The following SPTBN4 variants were observed in gnomAD, a reference collection of about 807,000 sequenced individuals.
The protein encoded by SPTBN4 is spectrin beta, non-erythrocytic 4.
In SPTBN4, 96 loss-of-function variants were observed where a neutral mutation model predicts 277.8. The ratio of observed to expected loss-of-function variants is 0.35; its 90% CI spans 0.29 to 0.41. The LOEUF is 0.41. Among genes scored for constraint, SPTBN4 ranks in the 10% least tolerant of loss-of-function variants. SPTBN4 has a pLI of 1.00. For synonymous variants in SPTBN4, 1,481 were observed against 1,580.3 expected, an observed-to-expected ratio of 0.94 and a Z score of 1.49; for missense variants, 3,006 against 3,595.7, an observed-to-expected ratio of 0.84 and a Z score of 4.19.
intron 17 of SPTBN4, among the ~76,000 whole-genome samples, chr19:40,527,237 C>T (rs2080603350): frequency 6.6e-6 from 1 of 152,296 alleles, no homozygotes; most frequent in South Asian, 2.1e-4. Flanking sequence ...CTCTCTAACC[C>T]TGTCTTTTCT....
At chr19:40,526,987 T>C (rs556080466) in intron 17 of SPTBN4, among the ~76,000 whole-genome samples, 5 of 152,202 alleles carry the variant, frequency 3.3e-5, no homozygotes, top group Non-Finnish European at 7.3e-5. Context: ...GAAAGATTGA[T>C]TTCAGCTCAA....
intron 2 of SPTBN4, among the ~76,000 whole-genome samples, chr19:40,484,269 G>A (rs73048177): frequency 0.055 from 8,376 of 152,146 alleles, 302 homozygotes; most frequent in Middle Eastern, 0.1. Context: ...GGAAATTATT[G>A]AGAGATTTCA....
rs1350925526 is a variant in SPTBN4, at chr19:40,532,785, TG to T, written c.4095+16del. On this transcript the variant is annotated intron_variant, in intron 19 of 35. Transcript: ENST00000598249. Reference sequence around the variant, plus strand: ...AAGATCGAGCGGGTGAGGAAGCTGATGGCCCCTCTGCCTGTGCCAGGTGCAG... The same window carrying T: ...AAGATCGAGCGGGTGAGGAAGCTGATGCCCCTCTGCCTGTGCCAGGTGCAG... 8.1e-6 allele frequency: 13 copies of T among 1,603,742 alleles called. No individual in the cohort carries two copies. The highest frequency in any genetic ancestry group is 1.1e-5 in the Non-Finnish European group (13 of 1,174,148).
chr19:40,497,431 GC>G (rs1423085051), intron 6 of SPTBN4, 57 bp from the exon 7 acceptor site: 8 of 1,357,118 alleles, frequency 5.9e-6, no homozygotes, highest in Non-Finnish European at 7.4e-6. Context: ...CTTCTTCCCT[GC>G]TTGCCCGCCG....
In SPTBN4 at chr19:40,532,478, C is replaced by T. The variant is rs539857521; in HGVS notation, c.3949-147C>T. ...GCACCCACCCCCAATATAAAGGCCTCACTTGCAAAGGTTTTTTCATCCTTT... is the reference window on the plus strand; with the variant it reads ...GCACCCACCCCCAATATAAAGGCCTTACTTGCAAAGGTTTTTTCATCCTTT... On this transcript the variant is annotated intron_variant, in intron 18 of 35. Coordinates refer to ENST00000598249, the MANE Select transcript of SPTBN4 (RefSeq NM_020971.3). 222 of 1,008,980 alleles carry T rather than the reference C, an allele frequency of 2.2e-4. No individual in the cohort carries two copies. The Middle Eastern group carries it at 3.4e-3, about 15-fold the overall frequency. 62.5% of individuals were successfully genotyped at this position (1,008,980 alleles called of 1,614,324 possible).
chr19:40,485,491 A>G (rs1296946799), intron 2 of SPTBN4, among the ~76,000 whole-genome samples: 1 of 152,166 alleles, frequency 6.6e-6, no homozygotes. Flanking sequence ...GGAAGTCGCA[A>G]AGATAGTAGA....
At position 40,504,142 on chromosome 19, in the gene SPTBN4, G is replaced by T. The variant is rs759387793; in HGVS notation, c.1665+10G>T. 141 of 1,278,980 alleles carry T rather than the reference G, an allele frequency of 1.1e-4. 4 individuals are homozygous for T. The highest frequency in any genetic ancestry group is 8.4e-4 in the South Asian group (67 of 79,766). The allele number at this position is 1,278,980 out of a possible 1,614,324, so 79.2% of individuals were successfully genotyped here. ...GATGGAGGAGATGCAGGTGCCGGCG[G>T]GGGGGCGGGGATGCGGGTGGAGTGC... is the stretch of plus-strand genomic sequence containing the variant. On this transcript the variant is annotated intron_variant, in intron 12 of 35. Coordinates refer to ENST00000598249, the MANE Select transcript of SPTBN4 (RefSeq NM_020971.3).
intron 18 of SPTBN4, 95 bp from the exon 19 acceptor site, chr19:40,532,530 G>C (rs2080688196): frequency 6.8e-7 from 1 of 1,479,964 alleles, no homozygotes; most frequent in Admixed American, 2.1e-5. Context: ...ATACACCCTA[G>C]CAGCCCAGGC....
At position 40,501,838 on chromosome 19, in the gene SPTBN4, C is replaced by T. The variant is rs947644460; in HGVS notation, c.785-83C>T. On this transcript the variant is annotated intron_variant, in intron 7 of 35. Coordinates refer to ENST00000598249, the MANE Select transcript of SPTBN4 (RefSeq NM_020971.3). Reference sequence around the variant, plus strand: ...AAGGTCACACAGCTAGTGAGAGTGGCTTCTCCATCCCTCCATCCAATACCT... The same window carrying T: ...AAGGTCACACAGCTAGTGAGAGTGGTTTCTCCATCCCTCCATCCAATACCT... The T allele has an allele frequency of 6.4e-5, 74 of 1,156,138 alleles. 1 individual carries two copies. In the East Asian group the frequency reaches 1.7e-3, roughly 27 times the overall value. The allele number at this position is 1,156,138 out of a possible 1,614,324, so 71.6% of individuals were successfully genotyped here. A position where few individuals can be genotyped will look rare whatever the true frequency, so the allele number is the denominator to read the frequency against.
rs2080495854 is a variant in SPTBN4 at position 40,519,367 on chromosome 19, G to A, written c.2904-34G>A. ...CCCTCCGCGCCCAAGAGGAGTCCCT[G>A]TCCTCCTCAAGTCACTCTCTTTCCC... On this transcript the variant is annotated intron_variant, in intron 15 of 35. Transcript: ENST00000598249. The surrounding 1 kb of genome is among the most constrained non-coding windows in gnomAD (Gnocchi z 5.7). 1 of 1,477,764 alleles carries A rather than the reference G, an allele frequency of 6.8e-7. No homozygotes were observed. The highest frequency in any genetic ancestry group is 9.0e-7 in the Non-Finnish European group (1 of 1,115,958). The allele number at this position is 1,477,764 out of a possible 1,614,324, so 91.5% of individuals were successfully genotyped here. A position where few individuals can be genotyped will look rare whatever the true frequency, so the allele number is the denominator to read the frequency against.
chr19:40,489,239 A>AGAAG (rs377693651), intron 3 of SPTBN4, among the ~76,000 whole-genome samples: 25 of 151,476 alleles, frequency 1.7e-4, no homozygotes, highest in African/African-American at 6.1e-4. Flanking sequence ...AAAGAAAGAA[A>AGAAG]AAAAAGAATA....
At position 40,568,086 on chromosome 19, in the gene SPTBN4, T is replaced by C; in HGVS notation, c.6760T>C (p.Ser2254Pro). Residue 2254 changes from serine (S) to proline (P), a missense_variant, in exon 31 of 36, where the codon TCA (serine) becomes CCA (proline). Around this residue, in one of 5 missense-constraint regions of SPTBN4, gnomAD observed 630 missense variants for 677.6 expected, o/e 0.93. Coordinates refer to ENST00000598249, the MANE Select transcript of SPTBN4 (RefSeq NM_020971.3). ...GAGGCGGCGGCCTGAGCGGCAAGAGTCAGTCGATCAATCCGAGGAGGCTGC... is the reference window on the plus strand; with the variant it reads ...GAGGCGGCGGCCTGAGCGGCAAGAGCCAGTCGATCAATCCGAGGAGGCTGC... ...PRRRRPERQE[S>P]VDQSEEAARR... 1 of 1,564,094 alleles carries C rather than the reference T, an allele frequency of 6.4e-7. No homozygotes were observed. The highest frequency in any genetic ancestry group is 8.7e-7 in the Non-Finnish European group (1 of 1,154,980).
At chr19:40,561,616 G>A (rs2081043112) in intron 27 of SPTBN4, among the ~76,000 whole-genome samples, 1 of 152,044 alleles carries the variant, frequency 6.6e-6, no homozygotes, top group Admixed American at 6.6e-5. Flanking sequence ...GAGCTCAGGA[G>A]TTTGAGACCA....
rs1675401 is a variant in SPTBN4 at position 40,557,521 on chromosome 19, C to T, written c.5670+118C>T. ...ATTAGGCAGTGGCACAGACAGAAAG[C>T]GGACTACAGAACAGGAAGAAATTAG... On this transcript the variant is annotated intron_variant, in intron 26 of 35. Transcript: ENST00000598249. 556,119 of 1,231,682 alleles carry T rather than the reference C, an allele frequency of 0.45. 131,039 individuals are homozygous for T. Among genetic ancestry groups the T allele is most frequent in the African/African-American group, 0.52 (34,268 of 65,826 alleles). The allele number at this position is 1,231,682 out of a possible 1,614,324, so 76.3% of individuals were successfully genotyped here. A position where few individuals can be genotyped will look rare whatever the true frequency, so the allele number is the denominator to read the frequency against.
rs2081132079 is a variant in SPTBN4 at position 40,569,782 on chromosome 19, G to T, written c.7026+56G>T. The T allele has an allele frequency of 1.6e-5, 24 of 1,538,234 alleles. No individual in the cohort carries two copies. The South Asian group carries it at 2.6e-4, about 17-fold the overall frequency. ...GAGGACCCCTTTTTCAGAGCAGGAGGCAGGATCTCAGAAACAGCCAGTGCC... is the reference window on the plus strand; with the variant it reads ...GAGGACCCCTTTTTCAGAGCAGGAGTCAGGATCTCAGAAACAGCCAGTGCC... On this transcript the variant is annotated intron_variant, in intron 32 of 35. Coordinates refer to ENST00000598249, the MANE Select transcript of SPTBN4 (RefSeq NM_020971.3).
intron 21 of SPTBN4, 106 bp from the exon 22 acceptor site, chr19:40,550,132 T>G: frequency 1.2e-6 from 1 of 865,816 alleles, no homozygotes; most frequent in Non-Finnish European, 1.8e-6. Flanking sequence ...AACTGGGCTC[T>G]TAGGCAAGGA....
chr19:40,485,978 T>TAAAAA (rs35587768), intron 2 of SPTBN4, among the ~76,000 whole-genome samples: 2 of 129,356 alleles, frequency 1.5e-5, no homozygotes, highest in African/African-American at 2.8e-5. Context: ...AGGATGGCCA[T>TAAAAA]AAAAAAAAAA....
intron 30 of SPTBN4, chr19:40,566,974 A>T (rs957979799): frequency 3.2e-5 from 8 of 253,242 alleles, no homozygotes; most frequent in Admixed American, 2.4e-4. Flanking sequence ...CAACAACAAT[A>T]AAAAAAAAAC....
At chr19:40,518,261 G>A (rs1346437463) in intron 15 of SPTBN4, among the ~76,000 whole-genome samples, 1 of 152,020 alleles carries the variant, frequency 6.6e-6, no homozygotes, top group Non-Finnish European at 1.5e-5. Flanking sequence ...AGCTGAGATC[G>A]TGCCACTGCA....
Sources: gnomAD v4.1 joint callset for allele counts (sites outside exome capture counted in the v4.1 genomes callset) on GRCh38, gnomAD v4.1.1 for gene constraint, gnomAD v4.1.1 regional missense constraint, Gnocchi (gnomAD v3.1) non-coding constraint, MANE v1.5 for transcripts, NCBI Gene and HGNC (gene_info 2026-07-23, HGNC 2026-07-21) for gene names.